Variants in CPXM2 observed in about 807,000 individuals in gnomAD.
CPXM2 encodes the protein carboxypeptidase X, M14 family member 2.
In CPXM2, 66 loss-of-function variants were observed where a neutral mutation model predicts 86.1. The observed-to-expected ratio is 0.77, with a 90% confidence interval of 0.63 to 0.94. CPXM2 has a LOEUF of 0.94. Among genes scored for constraint, CPXM2 ranks in the 40% least tolerant of loss-of-function variants. The probability of loss-of-function intolerance (pLI) is 0.00; values close to 1 mark genes in which losing one functional copy is unlikely to be tolerated. For missense variants in CPXM2, 948 were observed against 1,026.3 expected (o/e 0.92, Z 1.04); for synonymous variants, 388 against 400.2 (o/e 0.97, Z 0.36).
At chr10:123,803,607 T>C (rs1249000058) in intron 4 of CPXM2, among the ~76,000 whole-genome samples, 2 of 152,114 alleles carry the variant, frequency 1.3e-5, no homozygotes, top group Non-Finnish European at 2.9e-5. Flanking sequence ...CCATTTGGAG[T>C]TGATTACCAT....
At chr10:123,837,251 G>A (rs757374031) in intron 4 of CPXM2, among the ~76,000 whole-genome samples, 1 of 152,204 alleles carries the variant, frequency 6.6e-6, no homozygotes, top group Non-Finnish European at 1.5e-5. Flanking sequence ...CACAGAGCCT[G>A]GCTCACAGCA....
At chr10:123,817,820 A>G (rs1228327393) in intron 4 of CPXM2, among the ~76,000 whole-genome samples, 1 of 152,172 alleles carries the variant, frequency 6.6e-6, no homozygotes, top group African/African-American at 2.4e-5. Context: ...CACCACCCGA[A>G]AGTAGACAGC....
chr10:123,807,750 C>A lies in CPXM2; in HGVS notation c.654-8551G>T, dbSNP rs538378991. Among the ~76,000 whole-genome samples the A allele has an allele frequency of 2.6e-5, 4 of 152,158 alleles. No homozygotes were observed. In the East Asian group the frequency reaches 7.7e-4, roughly 29 times the overall value. On this transcript the variant is annotated intron_variant, in intron 4 of 13. Transcript: ENST00000241305. ...GATTATGTTATTCTTTTGTGACAGG[C>A]AAATCCATTGTTATTAAAGAGGCTC...
chr10:123,789,751 T>C (rs2134048556), intron 6 of CPXM2, among the ~76,000 whole-genome samples: 1 of 152,306 alleles, frequency 6.6e-6, no homozygotes, highest in South Asian at 2.1e-4. Context: ...CAGTAGCCCC[T>C]ACTGCTGCGT....
In CPXM2 at chr10:123,891,544, T is replaced by A; in HGVS notation, c.116A>T (p.Glu39Val). ...ALEDPDYYGQEIWSREPYYAR... is the reference protein window; with the variant it reads ...ALEDPDYYGQVIWSREPYYAR... ...GTAGTAGGGCTCCCGGCTCCAGATC[T>A]CCTGCCCGTAATAATCAGGGTCCTC... The change falls in exon 1 of 14, where the codon GAG (glutamate) becomes GTG (valine). Residue 39 changes from glutamate (E) to valine (V), a missense_variant. Transcript: ENST00000241305. The surrounding 1 kb of genome is among the most constrained non-coding windows in gnomAD (Gnocchi z 5.6). 1.9e-6 allele frequency: 3 copies of A among 1,548,344 alleles called. No homozygotes were observed. The highest frequency in any genetic ancestry group is 2.6e-6 in the Non-Finnish European group (3 of 1,145,622).
At chr10:123,770,888 C>A (rs1431931459) in intron 8 of CPXM2, 28 bp downstream of exon 8, 1 of 1,598,218 alleles carries the variant, frequency 6.3e-7, no homozygotes, top group Admixed American at 1.8e-5. Flanking sequence ...GATGAAGGGG[C>A]CAAGCATCCC....
At chr10:123,749,574 G>A (rs1036331083) in intron 13 of CPXM2, among the ~76,000 whole-genome samples, 9 of 152,126 alleles carry the variant, frequency 5.9e-5, no homozygotes, top group Admixed American at 4.6e-4. Flanking sequence ...TGGGTGGCCC[G>A]AGCCTCTGGG....
intron 7 of CPXM2, among the ~76,000 whole-genome samples, chr10:123,771,619 G>A (rs1331720389): frequency 1.3e-5 from 2 of 152,124 alleles, no homozygotes; most frequent in Admixed American, 6.5e-5. Context: ...AGCTACTCAG[G>A]TTACAATATT....
At chr10:123,787,040 G>A (rs1589997623) in intron 6 of CPXM2, among the ~76,000 whole-genome samples, 1 of 152,112 alleles carries the variant, frequency 6.6e-6, no homozygotes, top group Non-Finnish European at 1.5e-5. Flanking sequence ...CCCTCCAGCT[G>A]GCCCAAAAAC....
intron 13 of CPXM2, chr10:123,752,539 G>T: frequency 1.0e-6 from 1 of 985,372 alleles, no homozygotes; most frequent in Non-Finnish European, 1.2e-6. Context: ...GGATACATGG[G>T]CCAGGTCTGA....
intron 6 of CPXM2, among the ~76,000 whole-genome samples, chr10:123,797,153 T>C (rs148846908): frequency 3.0e-4 from 45 of 152,316 alleles, no homozygotes; most frequent in African/African-American, 9.9e-4. Flanking sequence ...AAATATCTCA[T>C]GTGAAAATAA....
chr10:123,771,502 G>A (rs888573673), intron 7 of CPXM2, among the ~76,000 whole-genome samples: 5 of 152,146 alleles, frequency 3.3e-5, no homozygotes, highest in African/African-American at 9.7e-5. Flanking sequence ...GCACGATGAC[G>A]GCCCTGTGAA....
intron 1 of CPXM2, among the ~76,000 whole-genome samples, chr10:123,886,367 C>T (rs1344891201): frequency 6.6e-6 from 1 of 152,170 alleles, no homozygotes; most frequent in Non-Finnish European, 1.5e-5. Context: ...AGAAGGAAAG[C>T]TTAAATGTGA....
chr10:123,776,285 AC>A (rs1435207547), intron 7 of CPXM2, among the ~76,000 whole-genome samples: 1 of 152,168 alleles, frequency 6.6e-6, no homozygotes, highest in Non-Finnish European at 1.5e-5. Context: ...GTTGAGAAAT[AC>A]CATCTTAGAA....
At chr10:123,933,420 T>G (rs1945685500) in intron 2 of CPXM2, among the ~76,000 whole-genome samples, 2 of 152,192 alleles carry the variant, frequency 1.3e-5, no homozygotes, top group Non-Finnish European at 2.9e-5. Flanking sequence ...ATATTTGAAC[T>G]TTAAGAATCA....
chr10:123,846,225 C>T (rs1024694215), intron 3 of CPXM2, among the ~76,000 whole-genome samples: 2 of 152,138 alleles, frequency 1.3e-5, no homozygotes, highest in African/African-American at 4.8e-5. Flanking sequence ...AATAAAATTA[C>T]ACAACTTACC....
At chr10:123,807,206 C>A (rs558069025) in intron 4 of CPXM2, among the ~76,000 whole-genome samples, 18 of 152,304 alleles carry the variant, frequency 1.2e-4, no homozygotes, top group African/African-American at 4.3e-4. Flanking sequence ...TGAACTGGGA[C>A]ATAATTCAGA....
At chr10:123,937,782 A>G (rs1945736533) in intron 2 of CPXM2, among the ~76,000 whole-genome samples, 1 of 152,118 alleles carries the variant, frequency 6.6e-6, no homozygotes. Context: ...TTGAACATGG[A>G]GGTTTTGATC....
intron 3 of CPXM2, 106 bp downstream of exon 3, chr10:123,862,508 A>G: frequency 1.1e-6 from 1 of 943,124 alleles, no homozygotes; most frequent in African/African-American, 1.6e-5. Context: ...TACTGTGAGC[A>G]TCCAGGCTAA....
Sources: allele counts gnomAD v4.1 joint callset (sites outside exome capture counted in the v4.1 genomes callset), GRCh38; gene constraint gnomAD v4.1.1; non-coding constraint Gnocchi (gnomAD v3.1); transcripts MANE v1.5; gene names NCBI Gene and HGNC (gene_info 2026-07-23, HGNC 2026-07-21).